The following KMT2E variants were observed in gnomAD, a reference collection of about 807,000 sequenced individuals.
The protein encoded by KMT2E is lysine methyltransferase 2E (inactive), also known as histone reader KMT2E.
KMT2E carries 30 observed loss-of-function variants against 184.6 expected under a neutral mutation model. The observed-to-expected ratio is 0.16, with a 90% CI of 0.12 to 0.22. KMT2E has a LOEUF of 0.22. KMT2E is among the 10% of genes least tolerant of loss of function. The pLI is 1.00. For missense variants in KMT2E, 2,023 were observed against 2,237.4 expected (o/e 0.90, Z 1.93); for synonymous variants, 815 against 776.5 (o/e 1.05, Z -0.82).
At chr7:105,073,307 G>A (rs1234339275) in intron 6 of KMT2E, among the ~76,000 whole-genome samples, 2 of 151,526 alleles carry the variant, frequency 1.3e-5, no homozygotes, top group African/African-American at 4.9e-5. Context: ...TGAGGCAGGA[G>A]GATCCCTTGA....
In KMT2E at chr7:105,034,972, C is replaced by T. The variant is rs543047832; in HGVS notation, c.-188-3154C>T. The stretch of plus-strand genomic sequence containing the variant: ...CCAGGTTCAAGCAATTCTTGTGCCT[C>T]AGTCTCCTGATTAGCTGAGATTACA... On this transcript the variant is annotated intron_variant, in intron 1 of 26. Coordinates refer to ENST00000311117, the MANE Select transcript of KMT2E (RefSeq NM_182931.3). Among the ~76,000 whole-genome samples the T allele has an allele frequency of 2.4e-4, 37 of 151,740 alleles. 1 individual carries two copies. The South Asian group carries it at 5.8e-3, about 24-fold the overall frequency.
At chr7:105,081,894 A>G in intron 13 of KMT2E, 97 bp downstream of exon 13, 1 of 578,942 alleles carries the variant, frequency 1.7e-6, no homozygotes, top group East Asian at 2.9e-5. Context: ...ATAGCTTTTT[A>G]TTTTTATCTA....
intron 15 of KMT2E, among the ~76,000 whole-genome samples, chr7:105,095,714 G>C (rs985818508): frequency 1.3e-5 from 2 of 152,080 alleles, no homozygotes; most frequent in African/African-American, 4.8e-5. Flanking sequence ...CATGGTTATT[G>C]TACGTTAGGA....
chr7:105,106,296 C>T (rs913817217), intron 19 of KMT2E, among the ~76,000 whole-genome samples: 1 of 152,146 alleles, frequency 6.6e-6, no homozygotes, highest in Non-Finnish European at 1.5e-5. Context: ...TACTTTGAGA[C>T]CCCTAGGCCT....
chr7:105,101,800 G>T, intron 16 of KMT2E, 86 bp from the exon 17 acceptor site: 1 of 1,155,218 alleles, frequency 8.7e-7, no homozygotes, highest in Non-Finnish European at 1.2e-6. Context: ...CCAGAAAGTT[G>T]GCTTCTGAAG....
intron 1 of KMT2E, among the ~76,000 whole-genome samples, chr7:105,028,570 T>G (rs1795268738): frequency 6.6e-6 from 1 of 152,060 alleles, no homozygotes; most frequent in African/African-American, 2.4e-5. Flanking sequence ...TAGCTCACTG[T>G]AACCTCCACC....
At chr7:105,046,063 T>C (rs940187285) in intron 3 of KMT2E, among the ~76,000 whole-genome samples, 12 of 152,156 alleles carry the variant, frequency 7.9e-5, no homozygotes, top group Non-Finnish European at 1.8e-4. Flanking sequence ...TACCTAATTC[T>C]CTCGTGGGCT....
At chr7:105,070,860 C>T (rs1260833911) in intron 6 of KMT2E, among the ~76,000 whole-genome samples, 1 of 151,568 alleles carries the variant, frequency 6.6e-6, no homozygotes, top group Non-Finnish European at 1.5e-5. Flanking sequence ...TAATTATATA[C>T]TTTATAATTA....
At chr7:105,028,247 C>T (rs867607061) in intron 1 of KMT2E, among the ~76,000 whole-genome samples, 2 of 149,370 alleles carry the variant, frequency 1.3e-5, no homozygotes, top group Non-Finnish European at 3.0e-5. Flanking sequence ...CAGCTCACTG[C>T]AACCTCCGCC....
At chr7:105,101,865 T>C (rs1221971955) in intron 16 of KMT2E, 21 bp from the exon 17 acceptor site, 1 of 1,572,370 alleles carries the variant, frequency 6.4e-7, no homozygotes, top group South Asian at 1.2e-5. Flanking sequence ...AAAACTTCCA[T>C]TCGCTTGTAT....
chr7:105,034,805 A>G (rs1044830786), intron 1 of KMT2E, among the ~76,000 whole-genome samples: 3 of 136,192 alleles, frequency 2.2e-5, no homozygotes, highest in African/African-American at 8.4e-5. Context: ...TAAGAATGTT[A>G]TATAAATGGA....
intron 3 of KMT2E, chr7:105,061,940 T>C: frequency 2.8e-6 from 1 of 362,860 alleles, no homozygotes; most frequent in Non-Finnish European, 4.9e-6. Flanking sequence ...AGGGAAACTA[T>C]ATTTGAAATT....
chr7:105,056,579 G>C (rs1186828035), intron 3 of KMT2E, among the ~76,000 whole-genome samples: 1 of 152,122 alleles, frequency 6.6e-6, no homozygotes, highest in Non-Finnish European at 1.5e-5. Context: ...TCTTTTACTA[G>C]GGTGATAGGT....
chr7:105,062,039 G>A (rs1301031623), intron 3 of KMT2E, 125 bp from the exon 4 acceptor site: 5 of 665,628 alleles, frequency 7.5e-6, no homozygotes, highest in East Asian at 5.2e-5. Flanking sequence ...GTATCCACCT[G>A]CTGTAAGTAG....
At chr7:105,025,557 T>A (rs759468825) in intron 1 of KMT2E, among the ~76,000 whole-genome samples, 48 of 152,276 alleles carry the variant, frequency 3.2e-4, no homozygotes, top group Middle Eastern at 3.4e-3. Flanking sequence ...GATTAATAAT[T>A]CTTCTTTTAA....
intron 3 of KMT2E, among the ~76,000 whole-genome samples, chr7:105,050,994 T>C (rs1030417616): frequency 2.0e-5 from 3 of 152,132 alleles, no homozygotes; most frequent in Non-Finnish European, 4.4e-5. Context: ...CCCAAAGTGC[T>C]GGATTTACAG....
At chr7:105,044,250 C>A (rs1796006988) in intron 3 of KMT2E, among the ~76,000 whole-genome samples, 1 of 152,022 alleles carries the variant, frequency 6.6e-6, no homozygotes, top group African/African-American at 2.4e-5. Flanking sequence ...ATATCTAGTA[C>A]CATTTTGTAA....
At chr7:105,075,681 CTT>C (rs66733218) in intron 8 of KMT2E, among the ~76,000 whole-genome samples, 2 of 144,536 alleles carry the variant, frequency 1.4e-5, no homozygotes, top group Admixed American at 7.0e-5. Context: ...AGTCTATATA[CTT>C]TTTTTTTTTT....
At position 105,049,021 on chromosome 7, in the gene KMT2E, G is replaced by A. The variant is rs540009437; in HGVS notation, c.71+7998G>A. 4.2e-4 allele frequency among the ~76,000 whole-genome samples: 64 copies of A among 152,240 alleles called. 1 individual carries two copies. In the South Asian group the frequency reaches 0.013, roughly 31 times the overall value. On this transcript the variant is annotated intron_variant, in intron 3 of 26. Transcript: ENST00000311117. The stretch of plus-strand genomic sequence containing the variant: ...AGCAAGTACACAAGCTCCAAGGCAG[G>A]AACAAATTTAGATTGTCCTAAAGAA...
Sources: gnomAD v4.1 joint callset for allele counts (sites outside exome capture counted in the v4.1 genomes callset) on GRCh38, gnomAD v4.1.1 for gene constraint, MANE v1.5 for transcripts, NCBI Gene and HGNC (gene_info 2026-07-23, HGNC 2026-07-21) for gene names.